HCRTR2: variants seen among roughly 807,000 people sequenced by gnomAD.
HCRTR2 encodes hypocretin receptor 2.
Under a neutral mutation model 49.0 loss-of-function variants are expected in HCRTR2, and 22 were observed. That is an observed-to-expected ratio of 0.45 (90% CI 0.32 to 0.64). The LOEUF is 0.64. Ranked by LOEUF, HCRTR2 falls within the 30% of genes least tolerant of loss-of-function variation. HCRTR2 has a pLI of 0.04. For missense variants in HCRTR2, 491 were observed against 559.4 expected, an observed-to-expected ratio of 0.88 and a Z score of 1.23; for synonymous variants, 236 against 205.3, an observed-to-expected ratio of 1.15 and a Z score of -1.28.
intron 2 of HCRTR2, 82 bp from the exon 3 acceptor site, chr6:55,255,054 C>T: frequency 1.3e-6 from 2 of 1,495,450 alleles, no homozygotes; most frequent in Middle Eastern, 2.3e-4. Context: ...TTGTGACTAC[C>T]TTTCTCATAT....
At chr6:55,192,408 C>T (rs970148317) in intron 1 of HCRTR2, among the ~76,000 whole-genome samples, 8 of 82,422 alleles carry the variant, frequency 9.7e-5, no homozygotes, top group African/African-American at 2.1e-4. Flanking sequence ...CACACGCGCG[C>T]GCGCGCACAC....
At chr6:55,266,882 A>C (rs77782362) in intron 4 of HCRTR2, among the ~76,000 whole-genome samples, 3,239 of 152,290 alleles carry the variant, frequency 0.021, 67 homozygotes, top group Middle Eastern at 0.075. Flanking sequence ...CCCAAACTCT[A>C]AAATAAATTT....
At chr6:55,232,402 G>A (rs763482896) in intron 1 of HCRTR2, among the ~76,000 whole-genome samples, 7 of 152,108 alleles carry the variant, frequency 4.6e-5, no homozygotes, top group Non-Finnish European at 1.0e-4. Flanking sequence ...GAGCCAAGTG[G>A]ACATTCTTTT....
At chr6:55,196,004 A>G (rs2127281164) in intron 1 of HCRTR2, among the ~76,000 whole-genome samples, 1 of 152,314 alleles carries the variant, frequency 6.6e-6, no homozygotes, top group East Asian at 1.9e-4. Flanking sequence ...CAACAAAAAC[A>G]AAAACAGTAT....
intron 1 of HCRTR2, among the ~76,000 whole-genome samples, chr6:55,220,172 G>A (rs961258964): frequency 2.0e-5 from 3 of 152,062 alleles, no homozygotes; most frequent in South Asian, 2.1e-4. Context: ...TGAAGAGGAC[G>A]AAGCATTTCA....
intron 1 of HCRTR2, among the ~76,000 whole-genome samples, chr6:55,153,822 T>A (rs576494749): frequency 6.6e-6 from 1 of 151,100 alleles, no homozygotes; most frequent in Admixed American, 6.6e-5. Flanking sequence ...ATATAGAGAA[T>A]GAAAAAATTA....
At chr6:55,158,066 G>A in intron 1 of HCRTR2, among the ~76,000 whole-genome samples, 1 of 152,180 alleles carries the variant, frequency 6.6e-6, no homozygotes, top group East Asian at 1.9e-4. Context: ...AGTGAGATCA[G>A]TGCAGAAGGT....
intron 1 of HCRTR2, among the ~76,000 whole-genome samples, chr6:55,127,304 C>T (rs564727604): frequency 2.2e-4 from 34 of 152,148 alleles, no homozygotes; most frequent in African/African-American, 7.9e-4. Context: ...CAGTTCCTCA[C>T]GGCTCCCTCA....
At chr6:55,152,946 A>G (rs1764682338) in intron 1 of HCRTR2, among the ~76,000 whole-genome samples, 1 of 151,996 alleles carries the variant, frequency 6.6e-6, no homozygotes, top group African/African-American at 2.4e-5. Context: ...TTGGTGTCAT[A>G]TCCAAGAAAT....
At chr6:55,233,342 C>T (rs12203204) in intron 1 of HCRTR2, among the ~76,000 whole-genome samples, 26 of 152,056 alleles carry the variant, frequency 1.7e-4, no homozygotes, top group Non-Finnish European at 3.5e-4. Context: ...CCACCCACCT[C>T]GGCTTCCCAA....
In HCRTR2 at chr6:55,174,555, GC is replaced by G. The variant is rs750305341; in HGVS notation, c.-32del. 6.4e-7 allele frequency: 1 copy of G among 1,559,422 alleles called. No homozygotes were observed. The highest frequency in any genetic ancestry group is 8.8e-7 in the Non-Finnish European group (1 of 1,130,442). On this transcript the variant is annotated 5_prime_UTR_variant, in exon 1 of 7. An upstream open reading frame in the 5' UTR loses its in-frame stop. Coordinates refer to ENST00000370862, the MANE Select transcript of HCRTR2 (RefSeq NM_001384272.1). ...TCATGGGGCAGGCGGAGAGGAGCTT[GC>G]AGCATTGAGCGGAACCGGACTTGAG...
At chr6:55,110,660 T>C (rs1377228740) in intron 1 of HCRTR2, among the ~76,000 whole-genome samples, 3 of 151,910 alleles carry the variant, frequency 2.0e-5, no homozygotes, top group Non-Finnish European at 1.5e-5. Flanking sequence ...ATAAAAGGTA[T>C]AGTGCAACAG....
chr6:55,167,714 A>G (rs1764897724), intron 1 of HCRTR2, among the ~76,000 whole-genome samples: 1 of 152,146 alleles, frequency 6.6e-6, no homozygotes, highest in Non-Finnish European at 1.5e-5. Flanking sequence ...CCCGACGATA[A>G]TGGATAGTTT....
At chr6:55,107,078 A>T (rs1763984461) in intron 1 of HCRTR2, among the ~76,000 whole-genome samples, 1 of 152,100 alleles carries the variant, frequency 6.6e-6, no homozygotes, top group Admixed American at 6.6e-5. Context: ...ACATAAGCAA[A>T]TTACTGCTTG....
At chr6:55,269,795 C>A (rs1766937090) in intron 4 of HCRTR2, among the ~76,000 whole-genome samples, 1 of 151,992 alleles carries the variant, frequency 6.6e-6, no homozygotes, top group Admixed American at 6.6e-5. Context: ...CATGTTTCTA[C>A]TAAAAACACA....
intron 1 of HCRTR2, among the ~76,000 whole-genome samples, chr6:55,200,811 C>A (rs1223058322): frequency 6.6e-6 from 1 of 152,024 alleles, no homozygotes; most frequent in East Asian, 1.9e-4. Flanking sequence ...TAGCTTTCAG[C>A]ATGTTCTTTA....
intron 1 of HCRTR2, among the ~76,000 whole-genome samples, chr6:55,129,752 T>C (rs545992035): frequency 2.0e-5 from 3 of 152,182 alleles, no homozygotes; most frequent in Admixed American, 6.5e-5. Context: ...CTCTAGGCTC[T>C]TTTTACTTTG....
chr6:55,209,699 GTT>G (rs967159286), intron 1 of HCRTR2, among the ~76,000 whole-genome samples: 4 of 152,042 alleles, frequency 2.6e-5, no homozygotes, highest in Non-Finnish European at 1.5e-5. Context: ...TCTTCTCTTT[GTT>G]TTTGTAAATC....
At chr6:55,248,339 G>A (rs1008770377) in intron 1 of HCRTR2, among the ~76,000 whole-genome samples, 5 of 151,906 alleles carry the variant, frequency 3.3e-5, no homozygotes, top group Non-Finnish European at 5.9e-5. Context: ...GAGTACTGAG[G>A]GAATAGAAAG....
Sources: gnomAD v4.1 joint callset for allele counts (sites outside exome capture counted in the v4.1 genomes callset) on GRCh38, gnomAD v4.1.1 for gene constraint, MANE v1.5 for transcripts, NCBI Gene and HGNC (gene_info 2026-07-23, HGNC 2026-07-21) for gene names.